The following FANCE variants were observed in gnomAD, a reference collection of about 807,000 sequenced individuals.
FANCE encodes the protein FA complementation group E, also known as Fanconi anemia group E protein.
In FANCE, 42 loss-of-function variants were observed where a neutral mutation model predicts 57.8. The ratio of observed to expected loss-of-function variants is 0.73; its 90% CI spans 0.57 to 0.94. The LOEUF (loss-of-function observed/expected upper bound fraction) is 0.94. Among genes scored for constraint, FANCE ranks in the 40% least tolerant of loss-of-function variants. The pLI is 0.00. For synonymous variants in FANCE, 251 were observed against 286.4 expected, an observed-to-expected ratio of 0.88 and a Z score of 1.25; for missense variants, 608 against 661.8, an observed-to-expected ratio of 0.92 and a Z score of 0.89.
In FANCE at chr6:35,455,698, G is replaced by A. The variant is rs568942618; in HGVS notation, c.249-49G>A. 122 of 1,608,476 alleles carry A rather than the reference G, an allele frequency of 7.6e-5. 2 individuals are homozygous for A. The South Asian group carries it at 1.3e-3, about 17-fold the overall frequency. ...CCCAGCTCTGCCCAGTCTGCCTTGTGCTCCCTTCAGCCAAACACTTAACTG... is the reference window on the plus strand; with the variant it reads ...CCCAGCTCTGCCCAGTCTGCCTTGTACTCCCTTCAGCCAAACACTTAACTG... On this transcript the variant is annotated intron_variant, in intron 1 of 9. Transcript: ENST00000229769.
In FANCE at chr6:35,456,172, A is replaced by G; in HGVS notation, c.674A>G (p.Glu225Gly). 1 of 1,614,216 alleles carries G rather than the reference A, an allele frequency of 6.2e-7. No individual in the cohort carries two copies. The highest frequency in any genetic ancestry group is 8.5e-7 in the Non-Finnish European group (1 of 1,180,036). Reference sequence around the variant, plus strand: ...CCCAAAAGATTACGGTGTTGGGAAGAGGAAGAAGATCATGAGAAGGAGAGA... The same window carrying G: ...CCCAAAAGATTACGGTGTTGGGAAGGGGAAGAAGATCATGAGAAGGAGAGA... The part of the protein sequence containing the change: ...RVPKRLRCWE[E>G]EEDHEKERPE... The change falls in exon 2 of 10, where the codon GAG becomes GGG. Residue 225 changes from glutamate (E) to glycine (G), a missense_variant. Physicochemically the swap from Glu to Gly is moderately conservative, Grantham distance 98. Transcript: ENST00000229769. This position sits in a 1 kb window ranked among gnomAD's most constrained non-coding sequence, Gnocchi z 4.3.
At chr6:35,461,823 A>G (rs1158959677) in intron 8 of FANCE, among the ~76,000 whole-genome samples, 1 of 151,094 alleles carries the variant, frequency 6.6e-6, no homozygotes, top group Non-Finnish European at 1.5e-5. Flanking sequence ...AATCTTTTGT[A>G]TTTTTAGTAG....
At position 35,452,595 on chromosome 6, in the gene FANCE, C is replaced by T. The variant is rs1444204044; in HGVS notation, c.50C>T (p.Ala17Val). 1.5e-6 allele frequency: 2 copies of T among 1,320,954 alleles called. No individual in the cohort carries two copies. Among genetic ancestry groups the T allele is most frequent in the Admixed American group, 3.0e-5 (1 of 33,200 alleles). The allele number at this position is 1,320,954 out of a possible 1,614,324, so 81.8% of individuals were successfully genotyped here. ...CCTGGGGCTGAGGGCGTGGAGCCGG[C>T]GCCCTGGGCGCAGCTGGAGGCCCCC... ...GLPGAEGVEPAPWAQLEAPAR... is the reference protein window; with the variant it reads ...GLPGAEGVEPVPWAQLEAPAR... The change falls in exon 1 of 10, where the codon GCG (alanine) becomes GTG (valine). Residue 17 changes from alanine (A) to valine (V), a missense_variant. Physicochemically the swap from Ala to Val is moderately conservative, Grantham distance 64 (BLOSUM62 0). Transcript: ENST00000229769.
rs779336261 is a variant in FANCE, at chr6:35,458,304, T to G, written c.977T>G (p.Leu326Trp). The change falls in exon 5 of 10, where the codon TTG (leucine) becomes TGG (tryptophan). Residue 326 changes from leucine (L) to tryptophan (W), a missense_variant. Coordinates refer to ENST00000229769, the MANE Select transcript of FANCE (RefSeq NM_021922.3). ...LHECSPSQMD[L>W]LCAQLQLPQL... Reference sequence around the variant, plus strand: ...CCCGCACTCTGTAAGCAGATGGACTTGCTGTGTGCCCAGCTGCAGCTCCCT... The same window carrying G: ...CCCGCACTCTGTAAGCAGATGGACTGGCTGTGTGCCCAGCTGCAGCTCCCT... 122 of 1,613,956 alleles carry G rather than the reference T, an allele frequency of 7.6e-5. No homozygotes were observed. The South Asian group carries it at 1.1e-3, about 14-fold the overall frequency.
intron 1 of FANCE, among the ~76,000 whole-genome samples, chr6:35,455,433 C>T (rs1767284681): frequency 2.6e-5 from 4 of 151,966 alleles, no homozygotes; most frequent in Admixed American, 2.6e-4. Context: ...TCAGCCTCCC[C>T]AGTAGCTGGA....
Position 35,459,320 on chromosome 6 carries a change from G to A in FANCE, c.1114-11G>A, listed in dbSNP as rs1767490960. On this transcript the variant is annotated splice_polypyrimidine_tract_variant and intron_variant, in intron 5 of 9. Coordinates refer to ENST00000229769, the MANE Select transcript of FANCE (RefSeq NM_021922.3). ...GAAAATAATTAATTTTTTCCTCCCT[G>A]TTGGCTGTAGATCCTCTCCTTGACT... 1 of 1,613,714 alleles carries A rather than the reference G, an allele frequency of 6.2e-7. No homozygotes were observed. Among genetic ancestry groups the A allele is most frequent in the African/African-American group, 1.3e-5 (1 of 74,850 alleles).
chr6:35,452,413 G>A lies in FANCE; in HGVS notation c.-133G>A. On this transcript the variant is annotated 5_prime_UTR_variant, in exon 1 of 10. Transcript: ENST00000229769. ...TTCTCCGGTCTCCCAACGCCGAGGAGAGCTTGTAACAGGCGCTGGAGCTGG... is the reference window on the plus strand; with the variant it reads ...TTCTCCGGTCTCCCAACGCCGAGGAAAGCTTGTAACAGGCGCTGGAGCTGG... 1 of 978,484 alleles carries A rather than the reference G, an allele frequency of 1.0e-6. No individual in the cohort carries two copies. Among genetic ancestry groups the A allele is most frequent in the Non-Finnish European group, 1.3e-6 (1 of 766,186 alleles). The allele number at this position is 978,484 out of a possible 1,614,324, so 60.6% of individuals were successfully genotyped here.
Position 35,452,753 on chromosome 6 carries a change from G to A in FANCE, c.208G>A (p.Glu70Lys). 1 of 1,275,400 alleles carries A rather than the reference G, an allele frequency of 7.8e-7. No homozygotes were observed. The highest frequency in any genetic ancestry group is 2.5e-5 in the South Asian group (1 of 39,574). The allele number at this position is 1,275,400 out of a possible 1,614,324, so 79.0% of individuals were successfully genotyped here. Residue 70 changes from glutamate to lysine, a missense_variant, in exon 1 of 10, where the codon GAG becomes AAG. By Grantham distance (56) the Glu-to-Lys change is moderately conservative. Transcript: ENST00000229769. ...TCGCTTGCTCGAGGCCCTGTGCCGGGAGGAGCCGGTCGTGCAGGGGCCTGA... is the reference window on the plus strand; with the variant it reads ...TCGCTTGCTCGAGGCCCTGTGCCGGAAGGAGCCGGTCGTGCAGGGGCCTGA... ...WGRLLEALCR[E>K]EPVVQGPDGR...
chr6:35,465,942 C>T (rs1767814142), intron 9 of FANCE, among the ~76,000 whole-genome samples: 1 of 152,172 alleles, frequency 6.6e-6, no homozygotes, highest in Non-Finnish European at 1.5e-5. Context: ...TACAGCAATG[C>T]ATATATATGA....
At position 35,455,866 on chromosome 6, in the gene FANCE, A is replaced by G; in HGVS notation, c.368A>G (p.Gln123Arg). The change falls in exon 2 of 10, where the codon CAG becomes CGG. Residue 123 changes from glutamine to arginine, a missense_variant. Gln to Arg is a conservative substitution (Grantham distance 43). Coordinates refer to ENST00000229769, the MANE Select transcript of FANCE (RefSeq NM_021922.3). Reference protein sequence around the residue: ...GLLSVLQIAQQDLAPDPDAWL... With the variant: ...GLLSVLQIAQRDLAPDPDAWL... ...CTCTCTGTGCTGCAGATTGCCCAGCAGGACCTAGCCCCTGACCCAGATGCC... is the reference window on the plus strand; with the variant it reads ...CTCTCTGTGCTGCAGATTGCCCAGCGGGACCTAGCCCCTGACCCAGATGCC... 6.2e-7 allele frequency: 1 copy of G among 1,614,206 alleles called. No homozygotes were observed. Among genetic ancestry groups the G allele is most frequent in the Non-Finnish European group, 8.5e-7 (1 of 1,180,034 alleles).
chr6:35,466,148 C>G, intron 9 of FANCE, 96 bp from the exon 10 acceptor site: 1 of 813,106 alleles, frequency 1.2e-6, no homozygotes, highest in Non-Finnish European at 2.2e-6. Flanking sequence ...TTTCCATCCT[C>G]CTGGCCTCCT....
chr6:35,454,791 A>G lies in FANCE; in HGVS notation c.249-956A>G, dbSNP rs552863044. Among the ~76,000 whole-genome samples the G allele has an allele frequency of 3.9e-5, 6 of 152,370 alleles. No individual in the cohort carries two copies. In the South Asian group the frequency reaches 1.2e-3, roughly 32 times the overall value. ...TCTGTGCATACTGTTTGGAATCTGT[A>G]AAGTGATTCCTTCTGTTTCAAGTTT... On this transcript the variant is annotated intron_variant, in intron 1 of 9. Coordinates refer to ENST00000229769, the MANE Select transcript of FANCE (RefSeq NM_021922.3).
Position 35,456,396 on chromosome 6 carries a change from G to A in FANCE, c.855+43G>A, listed in dbSNP as rs1447085696. 6.2e-7 allele frequency: 1 copy of A among 1,613,872 alleles called. No individual in the cohort carries two copies. The highest frequency in any genetic ancestry group is 8.5e-7 in the Non-Finnish European group (1 of 1,179,934). ...CTGGGTTTAGAGTGATCTTTCAGCAGTGGTGGCTTTATCCATGGGGAAGGC... is the reference window on the plus strand; with the variant it reads ...CTGGGTTTAGAGTGATCTTTCAGCAATGGTGGCTTTATCCATGGGGAAGGC... On this transcript the variant is annotated intron_variant, in intron 2 of 9. Transcript: ENST00000229769. The surrounding 1 kb of genome is among the most constrained non-coding windows in gnomAD (Gnocchi z 4.3).
At chr6:35,459,226 T>A in intron 5 of FANCE, 105 bp from the exon 6 acceptor site, 1 of 1,495,110 alleles carries the variant, frequency 6.7e-7, no homozygotes, top group Non-Finnish European at 9.2e-7. Flanking sequence ...GAACTTGGTT[T>A]TTTTTTTCCT....
intron 8 of FANCE, 128 bp from the exon 9 acceptor site, chr6:35,462,661 T>A: frequency 8.8e-7 from 1 of 1,134,282 alleles, no homozygotes; most frequent in Non-Finnish European, 1.3e-6. Flanking sequence ...GAGGTTTAGG[T>A]TGGTTAAGTT....
At position 35,460,560 on chromosome 6, in the gene FANCE, T is replaced by C. The variant is rs780997388; in HGVS notation, c.1325T>C (p.Leu442Ser). 1 of 1,614,088 alleles carries C rather than the reference T, an allele frequency of 6.2e-7. No homozygotes were observed. The highest frequency in any genetic ancestry group is 1.1e-5 in the South Asian group (1 of 91,072). ...DAQVLMLGQI[L>S]ELPWKEETFL... ...GGGCCTCTGCTTTGCAGACAGATCT[T>C]GGAGCTGCCCTGGAAGGAGGAAACT... Residue 442 changes from leucine to serine, a missense_variant, in exon 8 of 10, where the codon TTG becomes TCG. Transcript: ENST00000229769.
intron 1 of FANCE, among the ~76,000 whole-genome samples, chr6:35,454,040 T>C (rs1019391861): frequency 6.6e-6 from 1 of 151,954 alleles, no homozygotes; most frequent in Non-Finnish European, 1.5e-5. Flanking sequence ...AAATTAGCCA[T>C]CTTTTAAACT....
At chr6:35,458,548 TG>T in intron 5 of FANCE, 108 bp downstream of exon 5, 1 of 1,360,276 alleles carries the variant, frequency 7.4e-7, no homozygotes. Context: ...TGTAGACATC[TG>T]GGCTGTTTGG....
intron 4 of FANCE, 104 bp downstream of exon 4, chr6:35,458,088 G>T: frequency 7.6e-7 from 1 of 1,309,268 alleles, no homozygotes; most frequent in Non-Finnish European, 1.1e-6. Context: ...TGTGGGAGGG[G>T]ATTTTGTTGT....
Sources: allele counts gnomAD v4.1 joint callset (sites outside exome capture counted in the v4.1 genomes callset), GRCh38; gene constraint gnomAD v4.1.1; non-coding constraint Gnocchi (gnomAD v3.1); transcripts MANE v1.5; gene names NCBI Gene and HGNC (gene_info 2026-07-23, HGNC 2026-07-21).